CSMD1: variants seen among roughly 807,000 people sequenced by gnomAD.
CSMD1 encodes CUB and Sushi multiple domains 1.
A neutral mutation model predicts 417.5 loss-of-function variants in CSMD1; 213 were observed. The observed-to-expected ratio is 0.51, with a 90% CI of 0.46 to 0.57. CSMD1 has a LOEUF of 0.57. Among genes scored for constraint, CSMD1 ranks in the 20% least tolerant of loss-of-function variants. The probability of loss-of-function intolerance (pLI) is 0.00; values close to 1 mark genes in which losing one functional copy is unlikely to be tolerated. For synonymous variants in CSMD1, 2,862 were observed against 1,736.8 expected (o/e 1.65, Z -16.11); for missense variants, 6,923 against 4,529.7 (o/e 1.53, Z -15.17).
chr8:3,450,785 G>A (rs1287798819), intron 12 of CSMD1, among the ~76,000 whole-genome samples: 4 of 152,132 alleles, frequency 2.6e-5, no homozygotes, highest in Admixed American at 6.6e-5. Flanking sequence ...ACGTGTGCAT[G>A]TGTCTTTATA....
chr8:3,912,465 G>T (rs1468111142), intron 5 of CSMD1, among the ~76,000 whole-genome samples: 2 of 152,130 alleles, frequency 1.3e-5, no homozygotes, highest in African/African-American at 4.8e-5. Flanking sequence ...CTAAACCAGA[G>T]AGGCTGCGTG....
chr8:4,903,326 T>C (rs1186129512), intron 1 of CSMD1, among the ~76,000 whole-genome samples: 2 of 152,190 alleles, frequency 1.3e-5, no homozygotes, highest in African/African-American at 2.4e-5. Context: ...ATGGATAAAA[T>C]TACCATCTTT....
chr8:3,863,006 A>G (rs749472227), intron 5 of CSMD1, among the ~76,000 whole-genome samples: 33 of 152,346 alleles, frequency 2.2e-4, no homozygotes, highest in Middle Eastern at 3.4e-3. Flanking sequence ...CAGATTTGGT[A>G]TCTGGTAAGA....
chr8:4,993,961 T>G (rs1487166002), intron 1 of CSMD1, among the ~76,000 whole-genome samples: 1 of 151,104 alleles, frequency 6.6e-6, no homozygotes, highest in African/African-American at 2.4e-5. Flanking sequence ...GAACTGCCCC[T>G]CAGCCACCCC....
chr8:3,032,296 T>G (rs147069568), intron 50 of CSMD1, among the ~76,000 whole-genome samples: 24 of 152,094 alleles, frequency 1.6e-4, no homozygotes, highest in African/African-American at 4.8e-4. Flanking sequence ...TGACGTAATT[T>G]GGGAGGAGAA....
intron 3 of CSMD1, among the ~76,000 whole-genome samples, chr8:4,360,949 G>T (rs1307016807): frequency 1.3e-5 from 2 of 152,138 alleles, no homozygotes; most frequent in South Asian, 4.2e-4. Context: ...TCATTTCATG[G>T]GACTTGAGGA....
At chr8:4,438,482 G>T (rs577481585) in intron 2 of CSMD1, among the ~76,000 whole-genome samples, 3 of 152,310 alleles carry the variant, frequency 2.0e-5, no homozygotes, top group Non-Finnish European at 2.9e-5. Flanking sequence ...CAACGCTTGG[G>T]TTCCACAGCA....
At chr8:3,446,980 T>A (rs1198630708) in intron 12 of CSMD1, among the ~76,000 whole-genome samples, 2 of 152,024 alleles carry the variant, frequency 1.3e-5, no homozygotes, top group Admixed American at 1.3e-4. Flanking sequence ...AACAAAGGAG[T>A]TGAAGATGTA....
At chr8:4,948,871 C>T (rs535700056) in intron 1 of CSMD1, among the ~76,000 whole-genome samples, 134 of 152,036 alleles carry the variant, frequency 8.8e-4, no homozygotes, top group Non-Finnish European at 5.0e-4. Flanking sequence ...CTTTTCATTC[C>T]GATTTTAGAT....
At chr8:4,971,719 T>C (rs151326269) in intron 1 of CSMD1, among the ~76,000 whole-genome samples, 58 of 151,770 alleles carry the variant, frequency 3.8e-4, no homozygotes, top group African/African-American at 1.3e-3. Context: ...TTTGCTTCTA[T>C]GATTACATTC....
intron 4 of CSMD1, among the ~76,000 whole-genome samples, chr8:3,999,633 T>C (rs149666682): frequency 7.2e-5 from 11 of 152,308 alleles, no homozygotes; most frequent in Admixed American, 4.6e-4. Flanking sequence ...GTTTGGAGTA[T>C]TGCATTTCCC....
intron 2 of CSMD1, among the ~76,000 whole-genome samples, chr8:4,449,846 G>A (rs1799030001): frequency 6.6e-6 from 1 of 152,146 alleles, no homozygotes; most frequent in South Asian, 2.1e-4. Context: ...CTCAGTAAAT[G>A]ACTTCATCCT....
intron 10 of CSMD1, among the ~76,000 whole-genome samples, chr8:3,573,888 T>G (rs964023586): frequency 3.3e-5 from 5 of 152,110 alleles, no homozygotes; most frequent in Non-Finnish European, 7.4e-5. Context: ...TCACAGTTTT[T>G]TTTAAGTGAA....
intron 1 of CSMD1, among the ~76,000 whole-genome samples, chr8:4,910,561 C>G (rs980240956): frequency 2.0e-5 from 3 of 152,112 alleles, no homozygotes; most frequent in Admixed American, 1.3e-4. Context: ...TTTATAGACG[C>G]TAATTCCATT....
chr8:3,031,225 T>G (rs1230312477), intron 50 of CSMD1, among the ~76,000 whole-genome samples: 1 of 148,564 alleles, frequency 6.7e-6, no homozygotes, highest in East Asian at 2.0e-4. Context: ...ACCAAAAACA[T>G]GCACCGCATG....
At chr8:4,133,420 A>C (rs1585387616) in intron 3 of CSMD1, among the ~76,000 whole-genome samples, 1 of 152,286 alleles carries the variant, frequency 6.6e-6, no homozygotes, top group South Asian at 2.1e-4. Flanking sequence ...CGTGTTCCTA[A>C]CATAAATTTA....
intron 5 of CSMD1, among the ~76,000 whole-genome samples, chr8:3,900,398 G>C (rs1291654429): frequency 6.6e-6 from 1 of 151,866 alleles, no homozygotes; most frequent in Non-Finnish European, 1.5e-5. Flanking sequence ...TGACAGTATA[G>C]GTGGGTGACA....
At chr8:4,133,454 T>C (rs1406582045) in intron 3 of CSMD1, among the ~76,000 whole-genome samples, 1 of 152,164 alleles carries the variant, frequency 6.6e-6, no homozygotes, top group African/African-American at 2.4e-5. Flanking sequence ...ATTTACCTTA[T>C]TTTTCTTTCA....
Position 4,266,320 on chromosome 8 carries a change from G to C in CSMD1, c.415+153633C>G, listed in dbSNP as rs1415967104. Among the ~76,000 whole-genome samples the C allele has an allele frequency of 1.9e-5, 2 of 104,692 alleles. 1 individual carries two copies. Among genetic ancestry groups the C allele is most frequent in the East Asian group, 5.1e-4 (2 of 3,924 alleles). The allele number at this position is 104,692 out of a possible 152,430, so 68.7% of individuals were successfully genotyped here. On this transcript the variant is annotated intron_variant, in intron 3 of 69. Transcript: ENST00000635120. ...TGTAAGAGAAACTGTCCAGGTCTTAGAAACAGTTGATTTTGGAGAAAAACA... is the reference window on the plus strand; with the variant it reads ...TGTAAGAGAAACTGTCCAGGTCTTACAAACAGTTGATTTTGGAGAAAAACA...
Sources: gnomAD v4.1 joint callset for allele counts (sites outside exome capture counted in the v4.1 genomes callset) on GRCh38, gnomAD v4.1.1 for gene constraint, MANE v1.5 for transcripts, NCBI Gene and HGNC (gene_info 2026-07-23, HGNC 2026-07-21) for gene names.